Variants in SPDYE3 observed in about 807,000 individuals in gnomAD.
SPDYE3 encodes the protein speedy protein E3.
In SPDYE3, 15 loss-of-function variants were observed where a neutral mutation model predicts 55.0. The ratio of observed to expected loss-of-function variants is 0.27; its 90% CI spans 0.18 to 0.42. The LOEUF is 0.42. Among genes scored for constraint, SPDYE3 ranks in the 10% least tolerant of loss-of-function variants. SPDYE3 has a pLI of 1.00. For missense variants in SPDYE3, 236 were observed against 576.7 expected, an observed-to-expected ratio of 0.41 and a Z score of 6.05; for synonymous variants, 89 against 229.9, an observed-to-expected ratio of 0.39 and a Z score of 5.55.
chr7:100,318,339 CTATCG>C (rs1789487315), intron 8 of SPDYE3, among the ~76,000 whole-genome samples: 1 of 152,172 alleles, frequency 6.6e-6, no homozygotes, highest in African/African-American at 2.4e-5. Context: ...ATGTCTTTCT[CTATCG>C]AGGCCAGGGT....
chr7:100,316,932 A>C, intron 7 of SPDYE3, 138 bp from the exon 8 acceptor site: 1 of 1,198,330 alleles, frequency 8.3e-7, no homozygotes, highest in Non-Finnish European at 1.2e-6. Context: ...CGCAATTTCC[A>C]CATGAGCACA....
At chr7:100,309,964 C>T (rs1166392292) in intron 2 of SPDYE3, among the ~76,000 whole-genome samples, 1 of 140,538 alleles carries the variant, frequency 7.1e-6, no homozygotes, top group Non-Finnish European at 1.6e-5. Context: ...GGCATTATGG[C>T]AGGCACCTGT....
intron 5 of SPDYE3, among the ~76,000 whole-genome samples, chr7:100,313,926 A>G (rs1340674072): frequency 1.5e-5 from 1 of 65,508 alleles, no homozygotes. Flanking sequence ...AAAAAAAAGA[A>G]GGGTCAGAGG....
chr7:100,307,949 C>T lies in SPDYE3; in HGVS notation c.64C>T (p.Pro22Ser). 1 of 1,573,616 alleles carries T rather than the reference C, an allele frequency of 6.4e-7. No homozygotes were observed. The highest frequency in any genetic ancestry group is 1.1e-5 in the South Asian group (1 of 87,506). ...QSPQRSTSGYPLQEVVDDEVS... is the reference protein window; with the variant it reads ...QSPQRSTSGYSLQEVVDDEVS... Reference sequence around the variant, plus strand: ...CCCCCAGCGGAGCACCTCAGGGTACCCCCTCCAGGAGGTGGTGGATGATGA... The same window carrying T: ...CCCCCAGCGGAGCACCTCAGGGTACTCCCTCCAGGAGGTGGTGGATGATGA... The change falls in exon 1 of 11, where the codon CCC becomes TCC. Residue 22 changes from proline to serine, a missense_variant. Coordinates refer to ENST00000332397, the MANE Select transcript of SPDYE3 (RefSeq NM_001004351.5).
At chr7:100,316,855 A>G (rs1806116874) in intron 7 of SPDYE3, among the ~76,000 whole-genome samples, 1 of 152,100 alleles carries the variant, frequency 6.6e-6, no homozygotes, top group Admixed American at 6.6e-5. Flanking sequence ...CCATCCTGGG[A>G]GCATCACCTA....
chr7:100,320,554 C>A (rs1301196757), intron 10 of SPDYE3: 1 of 963,720 alleles, frequency 1.0e-6, no homozygotes, highest in Non-Finnish European at 1.3e-6. Flanking sequence ...AAGTTTAGAT[C>A]TGAAGTGACA....
At chr7:100,318,908 T>G (rs1789509023) in intron 8 of SPDYE3, among the ~76,000 whole-genome samples, 1 of 150,038 alleles carries the variant, frequency 6.7e-6, no homozygotes, top group South Asian at 2.1e-4. Context: ...ATTTATTTAT[T>G]TATTTATTTA....
chr7:100,319,628 G>A lies in SPDYE3; in HGVS notation c.1410G>A (p.Leu470=). Reference sequence around the variant, plus strand: ...CCAAACAAAAGATCTTCTACTTCCTGTACGGGAAGACCCACTCTCACATAC... The same window carrying A: ...CCAAACAAAAGATCTTCTACTTCCTATACGGGAAGACCCACTCTCACATAC... ...EAPKQKIFYF[L]YGKTHSHIPL... Residue 470 remains leucine, a synonymous_variant, in exon 9 of 11, where the codon CTG becomes CTA. Coordinates refer to ENST00000332397, the MANE Select transcript of SPDYE3 (RefSeq NM_001004351.5). 6.2e-7 allele frequency: 1 copy of A among 1,614,220 alleles called. No individual in the cohort carries two copies. Among genetic ancestry groups the A allele is most frequent in the Non-Finnish European group, 8.5e-7 (1 of 1,180,050 alleles).
chr7:100,312,994 A>G (rs1805999871), intron 4 of SPDYE3, 146 bp from the exon 5 acceptor site: 1 of 575,882 alleles, frequency 1.7e-6, no homozygotes, highest in Non-Finnish European at 3.1e-6. Context: ...CATGGGGTTG[A>G]GCAGAGGAGA....
intron 6 of SPDYE3, among the ~76,000 whole-genome samples, chr7:100,315,410 C>T (rs533745792): frequency 6.6e-5 from 10 of 152,324 alleles, no homozygotes; most frequent in South Asian, 2.1e-4. Flanking sequence ...CTAAGTGTCT[C>T]CATCCATAGT....
At position 100,313,369 on chromosome 7, in the gene SPDYE3, A is replaced by G. The variant is rs1395410190; in HGVS notation, c.982+11A>G. On this transcript the variant is annotated intron_variant, in intron 5 of 10. Coordinates refer to ENST00000332397, the MANE Select transcript of SPDYE3 (RefSeq NM_001004351.5). ...TCAACAGGCTGCTTGGTAGGAGGAC[A>G]CCCCAGAGAGCACCTCCAATCCTGT... The G allele has an allele frequency of 6.8e-7, 1 of 1,467,368 alleles. No homozygotes were observed. The highest frequency in any genetic ancestry group is 2.5e-5 in the Admixed American group (1 of 40,790). 90.9% of individuals were successfully genotyped at this position (1,467,368 alleles called of 1,614,324 possible). A position where few individuals can be genotyped will look rare whatever the true frequency, so the allele number is the denominator to read the frequency against.
At chr7:100,318,291 GACA>G (rs1438163890) in intron 8 of SPDYE3, among the ~76,000 whole-genome samples, 1 of 152,064 alleles carries the variant, frequency 6.6e-6, no homozygotes, top group African/African-American at 2.4e-5. Flanking sequence ...TCCAAAGCAC[GACA>G]ACCTCACTGC....
rs1789543680 is a variant in SPDYE3 at position 100,320,048 on chromosome 7, C to T, written c.*45+13C>T. ...GGCCTGAGAGAAGGTACATCTGCAT[C>T]CTCCGGGGTAAAGGCAGAATATTGG... On this transcript the variant is annotated intron_variant, in intron 10 of 10. Coordinates refer to ENST00000332397, the MANE Select transcript of SPDYE3 (RefSeq NM_001004351.5). The T allele has an allele frequency of 1.2e-5, 20 of 1,600,850 alleles. 1 individual carries two copies. In the South Asian group the frequency reaches 2.1e-4, roughly 17 times the overall value.
chr7:100,316,630 A>G (rs1669682845), intron 7 of SPDYE3, among the ~76,000 whole-genome samples: 1 of 151,492 alleles, frequency 6.6e-6, no homozygotes, highest in Non-Finnish European at 1.5e-5. Context: ...CTCCCTCAGG[A>G]CTCTGCTGGT....
intron 10 of SPDYE3, 65 bp from the exon 11 acceptor site, chr7:100,320,826 G>A (rs1585002322): frequency 7.1e-6 from 8 of 1,123,202 alleles, no homozygotes; most frequent in South Asian, 5.4e-5. Flanking sequence ...GACATGGGAC[G>A]TGAATAACCT....
In SPDYE3 at chr7:100,321,002, C is replaced by G; in HGVS notation, c.*157C>G. The G allele has an allele frequency of 1.7e-6, 2 of 1,193,018 alleles. No individual in the cohort carries two copies. Among genetic ancestry groups the G allele is most frequent in the South Asian group, 1.2e-5 (1 of 84,610 alleles). 73.9% of individuals were successfully genotyped at this position (1,193,018 alleles called of 1,614,324 possible). Reference sequence around the variant, plus strand: ...ATTTGTGCAGATCATCTAGAAGAACCTGGACCATTCTTGACAGAGCTGAAT... The same window carrying G: ...ATTTGTGCAGATCATCTAGAAGAACGTGGACCATTCTTGACAGAGCTGAAT... On this transcript the variant is annotated 3_prime_UTR_variant, in exon 11 of 11. Transcript: ENST00000332397.
At chr7:100,320,354 T>C in intron 10 of SPDYE3, 2 of 1,074,396 alleles carry the variant, frequency 1.9e-6, no homozygotes, top group Non-Finnish European at 2.4e-6. Context: ...GGGAGGTTCT[T>C]TATGATTGAT....
At chr7:100,311,210 T>G (rs1208526903) in intron 3 of SPDYE3, among the ~76,000 whole-genome samples, 2 of 65,396 alleles carry the variant, frequency 3.1e-5, no homozygotes, top group African/African-American at 7.1e-5. Flanking sequence ...TCAGGCTGGG[T>G]GCAGTGGCTC....
At chr7:100,316,893 G>A (rs1806117887) in intron 7 of SPDYE3, among the ~76,000 whole-genome samples, 177 bp from the exon 8 acceptor site, 3 of 152,138 alleles carry the variant, frequency 2.0e-5, no homozygotes, top group Admixed American at 2.0e-4. Context: ...TCTCGGATTT[G>A]CATCCGACCT....
Sources: gnomAD v4.1 joint callset for allele counts (sites outside exome capture counted in the v4.1 genomes callset) on GRCh38, gnomAD v4.1.1 for gene constraint, MANE v1.5 for transcripts, NCBI Gene and HGNC (gene_info 2026-07-23, HGNC 2026-07-21) for gene names.